SLC5A8: variants seen among roughly 807,000 people sequenced by gnomAD.
SLC5A8 encodes solute carrier family 5 member 8, also known as sodium-coupled monocarboxylate transporter 1.
A neutral mutation model predicts 71.9 loss-of-function variants in SLC5A8; 55 were observed. The ratio of observed to expected loss-of-function variants is 0.77; its 90% CI spans 0.62 to 0.96. The LOEUF is 0.96. Ranked by LOEUF, SLC5A8 falls within the 40% of genes least tolerant of loss-of-function variation. The probability of loss-of-function intolerance (pLI) is 0.00; values close to 1 mark genes in which losing one functional copy is unlikely to be tolerated. For missense variants in SLC5A8, 701 were observed against 745.3 expected (o/e 0.94, Z 0.69); for synonymous variants, 307 against 276.1 (o/e 1.11, Z -1.11).
chr12:101,197,267 A>G (rs1299147420), intron 3 of SLC5A8, among the ~76,000 whole-genome samples: 9 of 152,228 alleles, frequency 5.9e-5, no homozygotes. Context: ...TATTCCATCT[A>G]ACTAATGAAG....
Position 101,186,690 on chromosome 12 carries a change from T to G in SLC5A8, c.963+696A>C, listed in dbSNP as rs144780389. ...CTCATCTTTGAAAGGCAGATAATCA[T>G]AGAACCTACATCAGAGGGTGACTGT... is the stretch of plus-strand genomic sequence containing the variant. On this transcript the variant is annotated intron_variant, in intron 7 of 14. Coordinates refer to ENST00000536262, the MANE Select transcript of SLC5A8 (RefSeq NM_145913.5). Among the ~76,000 whole-genome samples, 268 of 152,296 alleles carry G rather than the reference T, an allele frequency of 1.8e-3. 2 individuals carry two copies. The highest frequency in any genetic ancestry group is 6.2e-3 in the African/African-American group (258 of 41,572).
chr12:101,167,541 C>G (rs2051785218), intron 11 of SLC5A8, among the ~76,000 whole-genome samples: 1 of 152,192 alleles, frequency 6.6e-6, no homozygotes, highest in African/African-American at 2.4e-5. Context: ...GTTAGCACTT[C>G]TAAGCACAGA....
Position 101,192,329 on chromosome 12 carries a change from T to G in SLC5A8, c.692+1296A>C, listed in dbSNP as rs376374866. Among the ~76,000 whole-genome samples the G allele has an allele frequency of 3.0e-4, 45 of 152,346 alleles. 1 individual carries two copies. The South Asian group carries it at 6.6e-3, about 22-fold the overall frequency. ...CCTGTAAATTAACACATTGACCCTG[T>G]CCAATTTCTGAAAAAGCTTTTTCTC... On this transcript the variant is annotated intron_variant, in intron 5 of 14. Coordinates refer to ENST00000536262, the MANE Select transcript of SLC5A8 (RefSeq NM_145913.5).
rs1254564944 is a variant in SLC5A8 at position 101,156,134 on chromosome 12, A to C, written c.*1145T>G. 2 of 152,050 alleles carry C rather than the reference A, an allele frequency of 1.3e-5. No homozygotes were observed. Among genetic ancestry groups the C allele is most frequent in the African/African-American group, 2.4e-5 (1 of 41,418 alleles). The allele number at this position is 152,050 out of a possible 1,614,324, so 9.4% of individuals were successfully genotyped here. On this transcript the variant is annotated 3_prime_UTR_variant, in exon 15 of 15. Transcript: ENST00000536262. The stretch of plus-strand genomic sequence containing the variant: ...AAAACATGGAACAAAGCATTTTTTG[A>C]GTCCAGACGTTTTAAAAAAAGTAGT...
intron 1 of SLC5A8, among the ~76,000 whole-genome samples, chr12:101,205,395 C>G (rs1869636176): frequency 6.6e-6 from 1 of 152,088 alleles, no homozygotes; most frequent in African/African-American, 2.4e-5. Flanking sequence ...TCTGCTATGT[C>G]TTATAACATA....
Position 101,193,622 on chromosome 12 carries a change from T to TA in SLC5A8, c.692+2dup. ...TTCAGTTACCCAAGTACTAGACACT[T>TA]ACTTCCAGAAATTTAATCTTCCACC... On this transcript the variant is annotated splice_region_variant and intron_variant, in intron 5 of 14. Coordinates refer to ENST00000536262, the MANE Select transcript of SLC5A8 (RefSeq NM_145913.5). The TA allele has an allele frequency of 6.2e-7, 1 of 1,612,904 alleles. No homozygotes were observed. The highest frequency in any genetic ancestry group is 1.1e-5 in the South Asian group (1 of 90,702).
chr12:101,174,732 T>C (rs2051863376), intron 10 of SLC5A8, among the ~76,000 whole-genome samples: 1 of 152,166 alleles, frequency 6.6e-6, no homozygotes. Context: ...TGTCTCATAG[T>C]ATTCTACACA....
chr12:101,204,258 C>T (rs1175735045), intron 2 of SLC5A8, among the ~76,000 whole-genome samples: 1 of 152,160 alleles, frequency 6.6e-6, no homozygotes, highest in Non-Finnish European at 1.5e-5. Context: ...CCGACTGTTG[C>T]TTTATCAGTA....
intron 12 of SLC5A8, among the ~76,000 whole-genome samples, chr12:101,162,865 A>G (rs1681100): frequency 0.24 from 35,852 of 152,118 alleles, 4,672 homozygotes; most frequent in East Asian, 0.55. Flanking sequence ...TATAGTTTAT[A>G]CTCTAATGGA....
At chr12:101,183,273 C>A (rs754699218) in intron 8 of SLC5A8, among the ~76,000 whole-genome samples, 7 of 152,040 alleles carry the variant, frequency 4.6e-5, no homozygotes, top group Non-Finnish European at 1.0e-4. Context: ...TCTCGATCTC[C>A]TGACCTCATG....
intron 1 of SLC5A8, 100 bp from the exon 2 acceptor site, chr12:101,204,665 T>C: frequency 2.7e-6 from 2 of 733,574 alleles, no homozygotes; most frequent in Middle Eastern, 3.4e-4. Context: ...AGCAACTTCA[T>C]AACTGATTTG....
At chr12:101,207,844 T>A (rs976927708) in intron 1 of SLC5A8, among the ~76,000 whole-genome samples, 2 of 152,186 alleles carry the variant, frequency 1.3e-5, no homozygotes, top group African/African-American at 2.4e-5. Context: ...CCTTTACCCC[T>A]GTCCATTTTG....
intron 10 of SLC5A8, among the ~76,000 whole-genome samples, chr12:101,175,893 G>A (rs2051875549): frequency 1.3e-5 from 2 of 151,848 alleles, no homozygotes; most frequent in Non-Finnish European, 2.9e-5. Context: ...GAAAGGAAAT[G>A]GTAGAAAGAA....
rs118102500 is a variant in SLC5A8, at chr12:101,169,667, G to A, written c.1234-1485C>T. Among the ~76,000 whole-genome samples, 3 of 152,306 alleles carry A rather than the reference G, an allele frequency of 2.0e-5. No homozygotes were observed. The East Asian group carries it at 5.8e-4, about 29-fold the overall frequency. ...CCAGGATCCCAGAGGAGCAGCCCAA[G>A]TGGCCAAGGAAATTTCAGGGAGCAC... On this transcript the variant is annotated intron_variant, in intron 10 of 14. Coordinates refer to ENST00000536262, the MANE Select transcript of SLC5A8 (RefSeq NM_145913.5).
intron 2 of SLC5A8, among the ~76,000 whole-genome samples, chr12:101,202,860 T>C (rs1869518445): frequency 6.6e-6 from 1 of 152,188 alleles, no homozygotes; most frequent in Non-Finnish European, 1.5e-5. Flanking sequence ...TTGCACTTGA[T>C]CTTTCAAATA....
chr12:101,164,268 G>T (rs2051749568), intron 12 of SLC5A8, among the ~76,000 whole-genome samples: 1 of 152,078 alleles, frequency 6.6e-6, no homozygotes, highest in African/African-American at 2.4e-5. Flanking sequence ...AAAAGACAGA[G>T]AATCCATTTC....
chr12:101,171,251 T>A (rs1241187527), intron 10 of SLC5A8, among the ~76,000 whole-genome samples: 2 of 152,202 alleles, frequency 1.3e-5, no homozygotes, highest in Admixed American at 6.5e-5. Context: ...CGTGCTGAGG[T>A]GACCTGGTCT....
chr12:101,167,777 T>C (rs2051787178), intron 11 of SLC5A8, among the ~76,000 whole-genome samples: 1 of 152,214 alleles, frequency 6.6e-6, no homozygotes, highest in Admixed American at 6.5e-5. Context: ...TCTGAGCCTA[T>C]TGATCTCTTT....
At chr12:101,198,854 T>C (rs1412189180) in intron 3 of SLC5A8, among the ~76,000 whole-genome samples, 1 of 151,900 alleles carries the variant, frequency 6.6e-6, no homozygotes, top group Non-Finnish European at 1.5e-5. Flanking sequence ...GCAAGCAGGG[T>C]TTATCCCAAG....
Sources: gnomAD v4.1 joint callset for allele counts (sites outside exome capture counted in the v4.1 genomes callset) on GRCh38, gnomAD v4.1.1 for gene constraint, MANE v1.5 for transcripts, NCBI Gene and HGNC (gene_info 2026-07-23, HGNC 2026-07-21) for gene names.